Variants in NOS1AP observed in about 807,000 individuals in gnomAD.
The protein encoded by NOS1AP is nitric oxide synthase 1 adaptor protein.
Under a neutral mutation model 56.2 loss-of-function variants are expected in NOS1AP, and 21 were observed. The ratio of observed to expected loss-of-function variants is 0.37; its 90% CI spans 0.26 to 0.54. NOS1AP has a LOEUF of 0.54. NOS1AP is among the 20% of genes least tolerant of loss of function. NOS1AP has a pLI of 0.84. For synonymous variants in NOS1AP, 270 were observed against 274.6 expected (o/e 0.98, Z 0.17); for missense variants, 522 against 657.8 (o/e 0.79, Z 2.26).
At chr1:162,099,153 C>T (rs944587962) in intron 1 of NOS1AP, among the ~76,000 whole-genome samples, 8 of 152,058 alleles carry the variant, frequency 5.3e-5, no homozygotes, top group Non-Finnish European at 1.0e-4. Context: ...ATTCCTTTTT[C>T]CCCATAACCT....
intron 2 of NOS1AP, among the ~76,000 whole-genome samples, chr1:162,186,993 G>T (rs543138807): frequency 6.6e-6 from 1 of 151,982 alleles, no homozygotes; most frequent in African/African-American, 2.4e-5. Flanking sequence ...TTGAGACAGG[G>T]TCTCACTTTG....
chr1:162,259,448 A>G (rs1265524201), intron 2 of NOS1AP, among the ~76,000 whole-genome samples: 1 of 152,164 alleles, frequency 6.6e-6, no homozygotes, highest in Non-Finnish European at 1.5e-5. Context: ...ACTTTTGAAA[A>G]TGTTTTGTTC....
intron 2 of NOS1AP, among the ~76,000 whole-genome samples, chr1:162,225,511 A>C (rs951115425): frequency 2.0e-5 from 3 of 152,200 alleles, no homozygotes; most frequent in African/African-American, 7.2e-5. Flanking sequence ...AAGGACGATA[A>C]AGTGAGTGTT....
intron 4 of NOS1AP, among the ~76,000 whole-genome samples, chr1:162,308,782 G>A (rs1655928934): frequency 6.6e-6 from 1 of 152,180 alleles, no homozygotes; most frequent in Non-Finnish European, 1.5e-5. Context: ...TGGTTACTAG[G>A]ACACAGTCCT....
At chr1:162,259,136 A>G (rs575957055) in intron 2 of NOS1AP, among the ~76,000 whole-genome samples, 77 of 152,294 alleles carry the variant, frequency 5.1e-4, no homozygotes, top group African/African-American at 1.7e-3. Context: ...ATACACAGGT[A>G]GCTTCTCTGC....
At chr1:162,139,151 G>A (rs576426274) in intron 1 of NOS1AP, among the ~76,000 whole-genome samples, 14 of 152,238 alleles carry the variant, frequency 9.2e-5, no homozygotes, top group African/African-American at 2.9e-4. Flanking sequence ...AGCCCATCCC[G>A]GGTTTTGACC....
chr1:162,294,495 T>C (rs1655387100), intron 3 of NOS1AP, among the ~76,000 whole-genome samples: 1 of 152,194 alleles, frequency 6.6e-6, no homozygotes, highest in African/African-American at 2.4e-5. Context: ...TGGAGGTCTG[T>C]GGTGTACACT....
At chr1:162,193,366 A>G (rs1651701998) in intron 2 of NOS1AP, among the ~76,000 whole-genome samples, 1 of 152,136 alleles carries the variant, frequency 6.6e-6, no homozygotes, top group Non-Finnish European at 1.5e-5. Context: ...GTCCTGGAGC[A>G]TGTCCCAGTC....
At chr1:162,241,343 CG>C (rs1324182446) in intron 2 of NOS1AP, among the ~76,000 whole-genome samples, 1 of 151,978 alleles carries the variant, frequency 6.6e-6, no homozygotes, top group Non-Finnish European at 1.5e-5. Flanking sequence ...AAGTTGCATA[CG>C]GAACAGCATG....
At chr1:162,180,959 C>T (rs889835774) in intron 2 of NOS1AP, among the ~76,000 whole-genome samples, 2 of 152,252 alleles carry the variant, frequency 1.3e-5, no homozygotes, top group East Asian at 1.9e-4. Flanking sequence ...TCATCCTCCC[C>T]TTAACAGCAG....
chr1:162,095,815 A>G (rs1692228584), intron 1 of NOS1AP, among the ~76,000 whole-genome samples: 1 of 152,230 alleles, frequency 6.6e-6, no homozygotes, highest in Admixed American at 6.5e-5. Flanking sequence ...TAACTGATAG[A>G]ATGAAGTAAA....
intron 2 of NOS1AP, among the ~76,000 whole-genome samples, chr1:162,253,739 A>C (rs1314739733): frequency 3.3e-5 from 5 of 152,228 alleles, no homozygotes; most frequent in African/African-American, 1.2e-4. Context: ...CAACATAAGC[A>C]GACTTATCTT....
Position 162,137,296 on chromosome 1 carries a change from A to T in NOS1AP, c.106-17109A>T, listed in dbSNP as rs544814762. Among the ~76,000 whole-genome samples the T allele has an allele frequency of 2.0e-5, 3 of 152,046 alleles. No individual in the cohort carries two copies. The South Asian group carries it at 6.2e-4, about 32-fold the overall frequency. On this transcript the variant is annotated intron_variant, in intron 1 of 9. Transcript: ENST00000361897. ...GATAAGCACATTCAAATTCTGGGCC[A>T]CTCCTGCCACCCTGTGAGCCGTTTG...
chr1:162,132,241 T>G (rs4657149), intron 1 of NOS1AP, among the ~76,000 whole-genome samples: 147,617 of 152,272 alleles, frequency 0.97, 71,722 homozygotes, highest in East Asian at 1. Flanking sequence ...CTAACAGAAG[T>G]TGATGGCATC....
intron 1 of NOS1AP, among the ~76,000 whole-genome samples, chr1:162,133,166 G>A (rs529332998): frequency 8.5e-5 from 13 of 152,262 alleles, no homozygotes; most frequent in East Asian, 1.9e-4. Flanking sequence ...ATATTAGTAC[G>A]CTTAATTTGT....
chr1:162,246,816 C>T (rs913155271), intron 2 of NOS1AP, among the ~76,000 whole-genome samples: 3 of 152,028 alleles, frequency 2.0e-5, no homozygotes, highest in Admixed American at 2.0e-4. Context: ...GAGACCTGGA[C>T]AGGAATGGGT....
rs553954537 is a variant in NOS1AP, at chr1:162,334,517, G to C, written c.453+1392G>C. 1.8e-4 allele frequency among the ~76,000 whole-genome samples: 28 copies of C among 152,292 alleles called. 1 individual carries two copies. The South Asian group carries it at 2.1e-3, about 11-fold the overall frequency. On this transcript the variant is annotated intron_variant, in intron 5 of 9. Transcript: ENST00000361897. ...AAGGCTCGTATGTGGCCTTGTGTAGGGGACCTGGGGAGGAGAGAAAAGGAA... is the reference window on the plus strand; with the variant it reads ...AAGGCTCGTATGTGGCCTTGTGTAGCGGACCTGGGGAGGAGAGAAAAGGAA...
At chr1:162,137,678 G>A (rs1294735989) in intron 1 of NOS1AP, among the ~76,000 whole-genome samples, 1 of 151,844 alleles carries the variant, frequency 6.6e-6, no homozygotes, top group Non-Finnish European at 1.5e-5. Flanking sequence ...GCTGTCTGAC[G>A]GATGAAAAAA....
rs1691654849 is a variant in NOS1AP at position 162,071,261 on chromosome 1, G to A, written c.105+979G>A. 2.0e-5 allele frequency among the ~76,000 whole-genome samples: 3 copies of A among 152,184 alleles called. No homozygotes were observed. The South Asian group carries it at 6.2e-4, about 32-fold the overall frequency. On this transcript the variant is annotated intron_variant, in intron 1 of 9. Coordinates refer to ENST00000361897, the MANE Select transcript of NOS1AP (RefSeq NM_014697.3). ...AAAGTATTGTCCCTCTAAGTAGGCT[G>A]GGTCTTGCTGGTTTTGAAAACGTTG...
Sources: gnomAD v4.1 joint callset for allele counts (sites outside exome capture counted in the v4.1 genomes callset) on GRCh38, gnomAD v4.1.1 for gene constraint, MANE v1.5 for transcripts, NCBI Gene and HGNC (gene_info 2026-07-23, HGNC 2026-07-21) for gene names.